Variants in DCC observed in about 807,000 individuals in gnomAD.
DCC encodes DCC netrin 1 receptor.
Under a neutral mutation model 172.5 loss-of-function variants are expected in DCC, and 58 were observed. That is an observed-to-expected ratio of 0.34 (90% CI 0.27 to 0.42). The LOEUF (loss-of-function observed/expected upper bound fraction) is 0.42. Among genes scored for constraint, DCC ranks in the 10% least tolerant of loss-of-function variants. DCC has a pLI of 1.00. For synonymous variants in DCC, 709 were observed against 644.5 expected (o/e 1.10, Z -1.52); for missense variants, 1,740 against 1,791.0 (o/e 0.97, Z 0.51).
intron 15 of DCC, among the ~76,000 whole-genome samples, chr18:53,356,206 T>C (rs962748848): frequency 1.3e-5 from 2 of 152,034 alleles, no homozygotes; most frequent in African/African-American, 4.8e-5. Context: ...CAGTGTGAGC[T>C]ATGCACATGC....
At chr18:52,929,752 G>T (rs542320482) in intron 5 of DCC, among the ~76,000 whole-genome samples, 26 of 150,004 alleles carry the variant, frequency 1.7e-4, no homozygotes, top group African/African-American at 6.1e-4. Context: ...AAATAAAAAT[G>T]TTAAAACTCA....
intron 1 of DCC, among the ~76,000 whole-genome samples, chr18:52,476,279 A>G (rs1174614522): frequency 6.6e-6 from 1 of 152,166 alleles, no homozygotes; most frequent in African/African-American, 2.4e-5. Flanking sequence ...GACAGAAACC[A>G]TTTGAAGTTT....
At chr18:53,149,786 A>G (rs1487400776) in intron 7 of DCC, among the ~76,000 whole-genome samples, 1 of 152,206 alleles carries the variant, frequency 6.6e-6, no homozygotes, top group Non-Finnish European at 1.5e-5. Flanking sequence ...CGTTGCTGAG[A>G]TGAAAATACT....
intron 1 of DCC, among the ~76,000 whole-genome samples, chr18:52,648,109 A>G (rs918956060): frequency 2.0e-5 from 3 of 152,222 alleles, no homozygotes; most frequent in Non-Finnish European, 4.4e-5. Context: ...GTTTAAAAGC[A>G]AGAACATCTG....
Position 53,128,862 on chromosome 18 carries a change from CACACACACATATATATATATATATAT to C in DCC, c.1262-28492_1262-28467del, listed in dbSNP as rs1158059077. ...ACACACACACACACACACACACACA[CACACACACATATATATATATATATAT>C]ATATATATATATATATTATTTGGAG... is the stretch of plus-strand genomic sequence containing the variant. On this transcript the variant is annotated intron_variant, in intron 7 of 28. Transcript: ENST00000442544. Among the ~76,000 whole-genome samples the C allele has an allele frequency of 7.9e-3, 641 of 81,088 alleles. 2 individuals are homozygous for C. The highest frequency in any genetic ancestry group is 0.025 in the African/African-American group (575 of 23,042). 53.2% of individuals were successfully genotyped at this position (81,088 alleles called of 152,430 possible).
At chr18:53,529,267 T>C (rs924063635) in intron 28 of DCC, among the ~76,000 whole-genome samples, 2 of 152,162 alleles carry the variant, frequency 1.3e-5, no homozygotes, top group African/African-American at 4.8e-5. Flanking sequence ...GCTTTGTGCC[T>C]ACCTCCCACC....
chr18:53,259,638 T>G (rs998559868), intron 12 of DCC, among the ~76,000 whole-genome samples: 7 of 152,234 alleles, frequency 4.6e-5, no homozygotes, highest in Non-Finnish European at 1.0e-4. Context: ...GTGGCTGCCC[T>G]TAACATTTTT....
At chr18:52,571,661 C>T (rs2033295458) in intron 1 of DCC, among the ~76,000 whole-genome samples, 1 of 152,130 alleles carries the variant, frequency 6.6e-6, no homozygotes, top group South Asian at 2.1e-4. Flanking sequence ...ACCTTTGTTG[C>T]CACAGGCACA....
chr18:52,438,717 A>G (rs1379911248), intron 1 of DCC, among the ~76,000 whole-genome samples: 1 of 152,212 alleles, frequency 6.6e-6, no homozygotes, highest in Non-Finnish European at 1.5e-5. Flanking sequence ...CTATGTATGT[A>G]CTTGGCACTC....
chr18:53,512,306 T>A (rs2046266880), intron 27 of DCC, among the ~76,000 whole-genome samples: 1 of 148,046 alleles, frequency 6.8e-6, no homozygotes, highest in African/African-American at 2.5e-5. Flanking sequence ...CAAAAACCCA[T>A]CTGTACATCA....
intron 7 of DCC, among the ~76,000 whole-genome samples, chr18:53,129,891 G>A (rs2043625431): frequency 6.6e-6 from 1 of 152,090 alleles, no homozygotes; most frequent in Non-Finnish European, 1.5e-5. Context: ...AAAAACAGAT[G>A]TATAACTTTA....
intron 2 of DCC, among the ~76,000 whole-genome samples, chr18:52,891,833 C>G (rs563550304): frequency 6.6e-6 from 1 of 152,156 alleles, no homozygotes; most frequent in East Asian, 1.9e-4. Flanking sequence ...TTTCCTTTTG[C>G]CTTGACTGCT....
At chr18:52,953,346 A>G (rs1191536815) in intron 5 of DCC, among the ~76,000 whole-genome samples, 3 of 152,164 alleles carry the variant, frequency 2.0e-5, no homozygotes, top group Non-Finnish European at 2.9e-5. Flanking sequence ...AGTCCCAAAC[A>G]TGAGACAACA....
At chr18:52,990,127 C>T (rs2041360710) in intron 5 of DCC, among the ~76,000 whole-genome samples, 1 of 151,886 alleles carries the variant, frequency 6.6e-6, no homozygotes, top group African/African-American at 2.4e-5. Context: ...TTCAAGCAAC[C>T]ATAGTAAGTT....
At chr18:53,491,811 G>C (rs2045962576) in intron 26 of DCC, among the ~76,000 whole-genome samples, 1 of 152,116 alleles carries the variant, frequency 6.6e-6, no homozygotes. Flanking sequence ...CTTTATAGTA[G>C]AATGATTTAT....
At chr18:53,176,880 G>A (rs986742743) in intron 8 of DCC, among the ~76,000 whole-genome samples, 33 of 151,304 alleles carry the variant, frequency 2.2e-4, no homozygotes, top group Admixed American at 6.0e-4. Flanking sequence ...ACATGCACAC[G>A]TATGTTTATT....
intron 27 of DCC, among the ~76,000 whole-genome samples, chr18:53,517,963 G>A (rs1598840209): frequency 6.6e-6 from 1 of 152,132 alleles, no homozygotes; most frequent in South Asian, 2.1e-4. Context: ...TGAAAGGGTA[G>A]AGTATTACAC....
chr18:52,456,434 A>G (rs1289913676), intron 1 of DCC, among the ~76,000 whole-genome samples: 1 of 152,124 alleles, frequency 6.6e-6, no homozygotes, highest in Non-Finnish European at 1.5e-5. Context: ...CTTTCCTGGC[A>G]CACATTTAAG....
chr18:52,933,838 A>C (rs1036137402), intron 5 of DCC, among the ~76,000 whole-genome samples: 1 of 152,088 alleles, frequency 6.6e-6, no homozygotes, highest in Non-Finnish European at 1.5e-5. Flanking sequence ...GATAGTGTAC[A>C]TCGCACCTAT....
Sources: gnomAD v4.1 joint callset for allele counts (sites outside exome capture counted in the v4.1 genomes callset) on GRCh38, gnomAD v4.1.1 for gene constraint, MANE v1.5 for transcripts, NCBI Gene and HGNC (gene_info 2026-07-23, HGNC 2026-07-21) for gene names.